Variants in FRMPD2 observed in about 807,000 individuals in gnomAD.
FRMPD2 encodes the protein FERM and PDZ domain containing 2.
In FRMPD2, 96 loss-of-function variants were observed where a neutral mutation model predicts 140.1. The observed-to-expected ratio is 0.69, with a 90% CI of 0.58 to 0.81. The LOEUF (loss-of-function observed/expected upper bound fraction) is 0.81. FRMPD2 is among the 40% of genes least tolerant of loss of function. FRMPD2 has a pLI of 0.00. For missense variants in FRMPD2, 1,240 were observed against 1,447.4 expected, an observed-to-expected ratio of 0.86 and a Z score of 2.32; for synonymous variants, 449 against 547.6, an observed-to-expected ratio of 0.82 and a Z score of 2.52.
chr10:48,231,617 C>T (rs1194699620), intron 10 of FRMPD2, among the ~76,000 whole-genome samples: 3 of 152,190 alleles, frequency 2.0e-5, no homozygotes, highest in Non-Finnish European at 4.4e-5. Flanking sequence ...CTGCTAATTC[C>T]CAAATACACT....
intron 12 of FRMPD2, among the ~76,000 whole-genome samples, chr10:48,218,182 T>G (rs1839496047): frequency 6.6e-6 from 1 of 152,210 alleles, no homozygotes; most frequent in African/African-American, 2.4e-5. Flanking sequence ...CCAGTCAGAT[T>G]GGATTAGGGC....
At chr10:48,252,457 A>T (rs1735611548) in intron 1 of FRMPD2, among the ~76,000 whole-genome samples, 1 of 152,054 alleles carries the variant, frequency 6.6e-6, no homozygotes, top group South Asian at 2.1e-4. Context: ...ATCCTCACTG[A>T]TCTTTCTCTA....
At position 48,192,689 on chromosome 10, in the gene FRMPD2, C is replaced by T; in HGVS notation, c.2160G>A (p.Gly720=). 6.2e-7 allele frequency: 1 copy of T among 1,613,956 alleles called. No individual in the cohort carries two copies. Among genetic ancestry groups the T allele is most frequent in the Non-Finnish European group, 8.5e-7 (1 of 1,179,948 alleles). ...AACAAATGTGTCACACCCACCTGCG[C>T]CCGATGCCTTCTGCTCCAGCCTCCT... ...GSKEAGAEGI[G]RSPCTGREQL... Residue 720 remains glycine, a synonymous_variant, in exon 16 of 29, where the codon GGG becomes GGA. Transcript: ENST00000374201.
At position 48,249,170 on chromosome 10, in the gene FRMPD2, C is replaced by T. The variant is rs758145005; in HGVS notation, c.160G>A (p.Asp54Asn). The part of the protein sequence containing the change: ...LLEDLRNDSS[D>N]YVVCPWSALL... ...GCTGACCAGGGGCAAACCACATAGTCCGAGGAATCTGAAACCAAGCCAGTG... is the reference window on the plus strand; with the variant it reads ...GCTGACCAGGGGCAAACCACATAGTTCGAGGAATCTGAAACCAAGCCAGTG... The change falls in exon 3 of 29, where the codon GAC becomes AAC. Residue 54 changes from aspartate (D) to asparagine (N), a missense_variant. Around this residue, in one of 6 missense-constraint regions of FRMPD2, gnomAD observed 1,161 missense variants for 1,055.9 expected, o/e 1.10. Coordinates refer to ENST00000374201, the MANE Select transcript of FRMPD2 (RefSeq NM_001018071.4). 1.9e-6 allele frequency: 3 copies of T among 1,613,650 alleles called. No individual in the cohort carries two copies. In the East Asian group the frequency reaches 6.7e-5, roughly 36 times the overall value.
At chr10:48,251,835 G>T in intron 1 of FRMPD2, 144 bp from the exon 2 acceptor site, 1 of 857,800 alleles carries the variant, frequency 1.2e-6, no homozygotes, top group Non-Finnish European at 1.8e-6. Context: ...GGTCCCTGGG[G>T]TCAGGCACAG....
Position 48,222,433 on chromosome 10 carries a change from G to A in FRMPD2, c.1335C>T (p.His445=). ...YGLLQHSLTR[H]QFYLQLRKDI... ...CTTTCCGAAGCTGCAGGTAAAACTG[G>A]TGCCTTGTCAGGCTGTGCCTGGAAA... The change falls in exon 12 of 29, where the codon CAC becomes CAT. Residue 445 remains histidine, a synonymous_variant. Transcript: ENST00000374201. The A allele has an allele frequency of 6.2e-7, 1 of 1,614,072 alleles. No homozygotes were observed. The highest frequency in any genetic ancestry group is 8.5e-7 in the Non-Finnish European group (1 of 1,179,954).
intron 15 of FRMPD2, among the ~76,000 whole-genome samples, chr10:48,193,982 CA>C (rs1164734998): frequency 6.6e-6 from 1 of 152,154 alleles, no homozygotes; most frequent in African/African-American, 2.4e-5. Context: ...ATACAGTAGG[CA>C]AAAAGCAATG....
intron 25 of FRMPD2, among the ~76,000 whole-genome samples, chr10:48,171,762 A>G (rs1838264445): frequency 6.6e-6 from 1 of 152,126 alleles, no homozygotes. Flanking sequence ...GTTTATACAT[A>G]AAGATATAGC....
chr10:48,171,593 A>T (rs1490760230), intron 25 of FRMPD2, among the ~76,000 whole-genome samples: 7 of 152,418 alleles, frequency 4.6e-5, no homozygotes, highest in South Asian at 4.1e-4. Context: ...AATATGAAAA[A>T]ATTATTAACG....
intron 10 of FRMPD2, among the ~76,000 whole-genome samples, chr10:48,231,181 G>A (rs910153465): frequency 1.3e-5 from 2 of 152,194 alleles, no homozygotes; most frequent in African/African-American, 4.8e-5. Flanking sequence ...GCAATAACTT[G>A]ATCAAAAGGG....
chr10:48,200,197 T>A (rs74130191), intron 15 of FRMPD2, among the ~76,000 whole-genome samples: 20,090 of 139,434 alleles, frequency 0.14, 1,722 homozygotes, highest in Non-Finnish European at 0.19. Context: ...AATAAATAAA[T>A]AAAACAGAGC....
intron 8 of FRMPD2, among the ~76,000 whole-genome samples, 196 bp downstream of exon 8, chr10:48,237,795 C>T (rs1358716231): frequency 6.6e-6 from 1 of 152,162 alleles, no homozygotes; most frequent in East Asian, 1.9e-4. Flanking sequence ...ATAGAGCCTT[C>T]CCCAGTGAGG....
chr10:48,200,571 T>G (rs1325713870), intron 15 of FRMPD2, among the ~76,000 whole-genome samples: 1 of 152,220 alleles, frequency 6.6e-6, no homozygotes. Flanking sequence ...TCCTTCGAAT[T>G]CCTTTTCCAA....
intron 1 of FRMPD2, among the ~76,000 whole-genome samples, chr10:48,265,847 C>T (rs1840668229): frequency 6.6e-6 from 1 of 152,160 alleles, no homozygotes; most frequent in Admixed American, 6.5e-5. Flanking sequence ...CCATTTGACC[C>T]AGCAATCCCA....
chr10:48,188,647 C>T (rs772967045), intron 16 of FRMPD2, among the ~76,000 whole-genome samples: 1 of 152,136 alleles, frequency 6.6e-6, no homozygotes, highest in Non-Finnish European at 1.5e-5. Flanking sequence ...CGACAGGGCG[C>T]TCGTGTGCTC....
chr10:48,242,207 A>T lies in FRMPD2; in HGVS notation c.521T>A (p.Leu174His). ...CAAGCCAACCAGCCTTCTGATGTGG[A>T]GACCAGCAGGGGCTGGGTAGACAGA... ...EVSVYPAPAG[L>H]HIRRLVGLVL... The change falls in exon 5 of 29, where the codon CTC becomes CAC. Residue 174 changes from leucine to histidine, a missense_variant. Transcript: ENST00000374201. 1 of 1,614,154 alleles carries T rather than the reference A, an allele frequency of 6.2e-7. No individual in the cohort carries two copies.
At chr10:48,184,918 C>T (rs1350214259) in intron 18 of FRMPD2, 37 bp from the exon 19 acceptor site, 3 of 1,508,288 alleles carry the variant, frequency 2.0e-6, no homozygotes, top group Non-Finnish European at 9.2e-7. Context: ...TAAGATGATA[C>T]TTAGTGATTT....
At chr10:48,187,346 G>C in intron 16 of FRMPD2, 54 bp from the exon 17 acceptor site, 1 of 1,527,724 alleles carries the variant, frequency 6.5e-7, no homozygotes, top group Non-Finnish European at 9.0e-7. Flanking sequence ...GAAGGACAGT[G>C]AGGTTAGATA....
chr10:48,265,337 A>C (rs942105891), intron 1 of FRMPD2, among the ~76,000 whole-genome samples: 2 of 152,224 alleles, frequency 1.3e-5, no homozygotes, highest in African/African-American at 2.4e-5. Flanking sequence ...TGTCAAAAGC[A>C]ATTGCAACAA....
Sources: allele counts gnomAD v4.1 joint callset (sites outside exome capture counted in the v4.1 genomes callset), GRCh38; gene constraint gnomAD v4.1.1; regional missense constraint gnomAD v4.1.1; transcripts MANE v1.5; gene names NCBI Gene and HGNC (gene_info 2026-07-23, HGNC 2026-07-21).